C5: variants seen among roughly 807,000 people sequenced by gnomAD.
The protein encoded by C5 is C3 and PZP-like alpha-2-macroglobulin domain-containing protein 4.
In C5, 140 loss-of-function variants were observed where a neutral mutation model predicts 218.8. That is an observed-to-expected ratio of 0.64 (90% CI 0.56 to 0.74). The LOEUF (loss-of-function observed/expected upper bound fraction) is 0.74, where lower values mean the gene tolerates loss of function less well. Among genes scored for constraint, C5 ranks in the 30% least tolerant of loss-of-function variants. The pLI, the probability that C5 is intolerant of heterozygous loss-of-function variation, is 0.00. For missense variants in C5, 1,700 were observed against 1,969.6 expected (o/e 0.86, Z 2.59); for synonymous variants, 614 against 682.3 (o/e 0.90, Z 1.56).
chr9:120,981,411 A>G (rs190796465), intron 27 of C5, among the ~76,000 whole-genome samples: 7 of 152,338 alleles, frequency 4.6e-5, no homozygotes, highest in Non-Finnish European at 8.8e-5. Context: ...TGGAGGATAC[A>G]CATTTGCTGT....
rs758453451 is a variant in C5, at chr9:120,979,932, C to T, written c.3658+151G>A. 6 of 683,250 alleles carry T rather than the reference C, an allele frequency of 8.8e-6. 1 individual carries two copies. In the East Asian group the frequency reaches 1.6e-4, roughly 18 times the overall value. 42.3% of individuals were successfully genotyped at this position (683,250 alleles called of 1,614,324 possible). ...AATGCATGAATAAATGAATGAATAA[C>T]GGCACACATTACATCGTATTGTGAC... On this transcript the variant is annotated intron_variant, in intron 28 of 40. Transcript: ENST00000223642.
Position 120,982,648 on chromosome 9 carries a change from T to G in C5, c.3390+7A>C. 3 of 1,597,680 alleles carry G rather than the reference T, an allele frequency of 1.9e-6. No individual in the cohort carries two copies. Among genetic ancestry groups the G allele is most frequent in the South Asian group, 2.2e-5 (2 of 90,642 alleles). ...CTATTGCTAATTTGTGCATTTGGTT[T>G]CCTTACCTGTAATTTTATTGGTTGA... On this transcript the variant is annotated splice_region_variant and intron_variant, in intron 26 of 40. Coordinates refer to ENST00000223642, the MANE Select transcript of C5 (RefSeq NM_001735.3).
At chr9:121,037,332 TGAG>T in intron 4 of C5, among the ~76,000 whole-genome samples, 1 of 151,398 alleles carries the variant, frequency 6.6e-6, no homozygotes. Context: ...TTTTCTTTTT[TGAG>T]ATGGAGTCTC....
the C5 span, among the ~76,000 whole-genome samples, chr9:121,058,809 ATTC>A: frequency 6.6e-6 from 1 of 152,172 alleles, no homozygotes; most frequent in Non-Finnish European, 1.5e-5. Context: ...ACACATTTTG[ATTC>A]TTATTATATA....
rs748369722 is a variant in C5 at position 120,963,635 on chromosome 9, C to T, written c.4323+1G>A. ...AACACGATTTAAAAGAAAACACATACGGCTTTTAAGTCTTCTTCATTTGCA... is the reference window on the plus strand; with the variant it reads ...AACACGATTTAAAAGAAAACACATATGGCTTTTAAGTCTTCTTCATTTGCA... On this transcript the variant is annotated splice_donor_variant, in intron 34 of 40. Transcript: ENST00000223642. LOFTEE classifies it high-confidence loss of function. The T allele has an allele frequency of 1.8e-5, 28 of 1,598,168 alleles. No individual in the cohort carries two copies. Among genetic ancestry groups the T allele is most frequent in the East Asian group, 2.2e-5 (1 of 44,778 alleles).
chr9:121,042,426 G>C (rs1396436317), intron 3 of C5, among the ~76,000 whole-genome samples: 1 of 152,080 alleles, frequency 6.6e-6, no homozygotes, highest in Non-Finnish European at 1.5e-5. Context: ...ATATTTCTGT[G>C]ATCTAGTTTA....
intron 33 of C5, 122 bp from the exon 34 acceptor site, chr9:120,963,860 C>A: frequency 1.4e-6 from 1 of 713,534 alleles, no homozygotes. Context: ...TGCTTTTCTA[C>A]AATGTATGGG....
intron 38 of C5, among the ~76,000 whole-genome samples, chr9:120,959,442 A>G (rs1358618164): frequency 1.3e-5 from 2 of 151,734 alleles, no homozygotes; most frequent in African/African-American, 4.8e-5. Flanking sequence ...TATTTTTAGT[A>G]GAGACAGGGT....
Position 121,019,996 on chromosome 9 carries a change from T to G in C5, c.1486A>C (p.Ile496Leu). The change falls in exon 12 of 41, where the codon ATA (isoleucine) becomes CTA (leucine). Residue 496 changes from isoleucine to leucine, a missense_variant. Physicochemically the swap from Ile to Leu is conservative, Grantham distance 5. Transcript: ENST00000223642. ...CTTACCAAGTAATTATAGTGAGTTA[T>G]TTTGTCAATATATGGGCTTTTGGGG... ...VTPKSPYIDK[I>L]THYNYLILSK... 1.2e-6 allele frequency: 2 copies of G among 1,602,356 alleles called. No homozygotes were observed. The highest frequency in any genetic ancestry group is 1.7e-6 in the Non-Finnish European group (2 of 1,169,526).
chr9:121,016,034 T>C (rs560722098), intron 15 of C5, among the ~76,000 whole-genome samples: 1 of 152,178 alleles, frequency 6.6e-6, no homozygotes, highest in Admixed American at 6.6e-5. Flanking sequence ...TAAGAGCTAG[T>C]TGGAGAGAGC....
Position 120,980,098 on chromosome 9 carries a change from C to G in C5, c.3643G>C (p.Glu1215Gln). 6.2e-7 allele frequency: 1 copy of G among 1,614,124 alleles called. No individual in the cohort carries two copies. The stretch of plus-strand genomic sequence containing the variant: ...CAAGTTATACCTTTAACCAAAGCTT[C>G]TCTCTTCAAAGCTGAAACAATTGAA... ...FRSIVSALKR[E>Q]ALVKGNPPIY... is the part of the protein sequence containing the mutation. The change falls in exon 28 of 41, where the codon GAA becomes CAA. Residue 1215 changes from glutamate to glutamine, a missense_variant. Transcript: ENST00000223642.
chr9:121,050,171 G>C lies in C5; in HGVS notation c.65+11C>G, dbSNP rs1039342796. ...ATGCATTGAAAAATGAAGATAGCTT[G>C]TTTTACTTACGTTTGCTCCTGTCCC... On this transcript the variant is annotated intron_variant, in intron 1 of 40. Transcript: ENST00000223642. 6.2e-7 allele frequency: 1 copy of C among 1,600,680 alleles called. No homozygotes were observed. Among genetic ancestry groups the C allele is most frequent in the Non-Finnish European group, 8.6e-7 (1 of 1,167,840 alleles).
At chr9:120,992,129 C>T (rs1280018338) in intron 22 of C5, among the ~76,000 whole-genome samples, 1 of 152,212 alleles carries the variant, frequency 6.6e-6, no homozygotes, top group East Asian at 1.9e-4. Flanking sequence ...GTAGTCCTGG[C>T]ACTTAGCACA....
intron 4 of C5, among the ~76,000 whole-genome samples, chr9:121,035,096 T>C (rs1430599565): frequency 2.0e-5 from 3 of 152,166 alleles, no homozygotes; most frequent in Non-Finnish European, 4.4e-5. Flanking sequence ...ATTTCCCTTC[T>C]TCTTTTTCCA....
chr9:121,036,000 T>TGTAGCTACAGA (rs2047521013), intron 4 of C5, among the ~76,000 whole-genome samples: 2 of 151,488 alleles, frequency 1.3e-5, no homozygotes, highest in South Asian at 4.2e-4. Flanking sequence ...CAGTGAGCTA[T>TGTAGCTACAGA]GATCACACCA....
intron 30 of C5, among the ~76,000 whole-genome samples, chr9:120,974,056 C>T (rs915651158): frequency 1.3e-5 from 2 of 152,136 alleles, no homozygotes; most frequent in African/African-American, 4.8e-5. Flanking sequence ...GGATTATTTC[C>T]AATTACTGTA....
At chr9:121,036,486 G>T (rs2047525762) in intron 4 of C5, among the ~76,000 whole-genome samples, 2 of 152,090 alleles carry the variant, frequency 1.3e-5, no homozygotes, top group Non-Finnish European at 2.9e-5. Flanking sequence ...ATCATTCCCT[G>T]ATAGAAAAAG....
Position 120,952,800 on chromosome 9 carries a change from C to T in C5, c.4970G>A (p.Cys1657Tyr), listed in dbSNP as rs780846073. The change falls in exon 41 of 41, where the codon TGT becomes TAT. Residue 1657 changes from cysteine (C) to tyrosine (Y), a missense_variant. Cys to Tyr is a radical substitution (Grantham distance 194, BLOSUM62 -2). Transcript: ENST00000223642. ...YWPRDTTCSS[C>Y]QAFLANLDEF... is the part of the protein sequence containing the mutation. ...ATCTAAATTAGCTAAAAATGCTTGA[C>T]ACGATGAACATGTTGTGTCTCTAGG... 1 of 1,613,818 alleles carries T rather than the reference C, an allele frequency of 6.2e-7. No individual in the cohort carries two copies. Among genetic ancestry groups the T allele is most frequent in the East Asian group, 2.2e-5 (1 of 44,878 alleles).
intron 27 of C5, among the ~76,000 whole-genome samples, chr9:120,980,495 C>CA: frequency 6.6e-6 from 1 of 152,308 alleles, no homozygotes; most frequent in East Asian, 1.9e-4. Context: ...TCTGAATTCT[C>CA]ACTTTCCTTT....
Sources: gnomAD v4.1 joint callset for allele counts (sites outside exome capture counted in the v4.1 genomes callset) on GRCh38, gnomAD v4.1.1 for gene constraint, MANE v1.5 for transcripts, NCBI Gene and HGNC (gene_info 2026-07-23, HGNC 2026-07-21) for gene names.